Variants in OR4K2 observed in about 807,000 individuals in gnomAD.
OR4K2 encodes the protein olfactory receptor family 4 subfamily K member 2.
In OR4K2, 8 loss-of-function variants were observed where a neutral mutation model predicts 10.5. The observed-to-expected ratio is 0.76, with a 90% CI of 0.45 to 1.37. OR4K2 has a LOEUF of 1.37. Among genes scored for constraint, OR4K2 ranks in the 40% most tolerant of loss-of-function variants. The probability of loss-of-function intolerance (pLI) is 0.00; values close to 1 mark genes in which losing one functional copy is unlikely to be tolerated. For missense variants in OR4K2, 547 were observed against 379.5 expected, an observed-to-expected ratio of 1.44 and a Z score of -3.67; for synonymous variants, 178 against 133.6, an observed-to-expected ratio of 1.33 and a Z score of -2.29.
rs111897676 is a variant in OR4K2 at position 19,876,988 on chromosome 14, A to G, written c.721A>G (p.Thr241Ala). 3 of 1,614,012 alleles carry G rather than the reference A, an allele frequency of 1.9e-6. No individual in the cohort carries two copies. Among genetic ancestry groups the G allele is most frequent in the Non-Finnish European group, 8.5e-7 (1 of 1,179,974 alleles). ...RGSSKALSTC[T>A]AHFIVVFLFF... Reference sequence around the variant, plus strand: ...ATCATCTAAGGCCCTTTCTACTTGTACAGCTCATTTCATTGTTGTCTTCTT... The same window carrying G: ...ATCATCTAAGGCCCTTTCTACTTGTGCAGCTCATTTCATTGTTGTCTTCTT... Residue 241 changes from threonine (T) to alanine (A), a missense_variant, in exon 2 of 2, where the codon ACA becomes GCA. Thr to Ala is a moderately conservative substitution (Grantham distance 58, BLOSUM62 0). Transcript: ENST00000641885.
In OR4K2 at chr14:19,876,842, C is replaced by T. The variant is rs1386035035; in HGVS notation, c.575C>T (p.Thr192Ile). 1.2e-6 allele frequency: 2 copies of T among 1,614,074 alleles called. No homozygotes were observed. Among genetic ancestry groups the T allele is most frequent in the Non-Finnish European group, 8.5e-7 (1 of 1,180,010 alleles). Residue 192 changes from threonine to isoleucine, a missense_variant, in exon 2 of 2, where the codon ACT becomes ATT. Transcript: ENST00000641885. The stretch of plus-strand genomic sequence containing the variant: ...GTGTTCCAGTTGGCTTGTGTGGATA[C>T]TTATGTTCTGGGCCTCTTTATGATC... ...PVVFQLACVD[T>I]YVLGLFMIST... is the part of the protein sequence containing the mutation.
Position 19,880,917 on chromosome 14 carries a change from A to G in OR4K2, c.*3705A>G, listed in dbSNP as rs1278426488. 2.0e-5 allele frequency: 3 copies of G among 152,262 alleles called. No homozygotes were observed. Among genetic ancestry groups the G allele is most frequent in the Non-Finnish European group, 4.4e-5 (3 of 68,046 alleles). 9.4% of individuals were successfully genotyped at this position (152,262 alleles called of 1,614,324 possible). A position where few individuals can be genotyped will look rare whatever the true frequency, so the allele number is the denominator to read the frequency against. ...TGTCTTATGTGAAGTATTTTTCTGCATTGATAAGGGTTTAGGATAATGTGA... is the reference window on the plus strand; with the variant it reads ...TGTCTTATGTGAAGTATTTTTCTGCGTTGATAAGGGTTTAGGATAATGTGA... On this transcript the variant is annotated 3_prime_UTR_variant, in exon 2 of 2. Coordinates refer to ENST00000641885, the MANE Select transcript of OR4K2 (RefSeq NM_001005501.2).
chr14:19,880,852 G>T lies in OR4K2; in HGVS notation c.*3640G>T. ...ATTAAGGTGAAGAGATAGGCAGATG[G>T]ATAGATTAGTAGATAGATGAAGTTT... On this transcript the variant is annotated 3_prime_UTR_variant, in exon 2 of 2. Transcript: ENST00000641885. 1 of 152,230 alleles carries T rather than the reference G, an allele frequency of 6.6e-6. No individual in the cohort carries two copies. Among genetic ancestry groups the T allele is most frequent in the East Asian group, 1.9e-4 (1 of 5,200 alleles). 9.4% of individuals were successfully genotyped at this position (152,230 alleles called of 1,614,324 possible).
chr14:19,876,509 T>C lies in OR4K2; in HGVS notation c.242T>C (p.Met81Thr). 2 of 1,614,210 alleles carry C rather than the reference T, an allele frequency of 1.2e-6. No individual in the cohort carries two copies. Among genetic ancestry groups the C allele is most frequent in the Non-Finnish European group, 1.7e-6 (2 of 1,179,998 alleles). The part of the protein sequence containing the change: ...MSLASFATPK[M>T]ITDYLTGHKT... The stretch of plus-strand genomic sequence containing the variant: ...CTTGCTTCTTTCGCCACCCCAAAGA[T>C]GATTACAGATTACCTAACAGGTCAC... Residue 81 changes from methionine (M) to threonine (T), a missense_variant, in exon 2 of 2, where the codon ATG (methionine) becomes ACG (threonine). Physicochemically the swap from Met to Thr is moderately conservative, Grantham distance 81. Coordinates refer to ENST00000641885, the MANE Select transcript of OR4K2 (RefSeq NM_001005501.2).
In OR4K2 at chr14:19,883,447, T is replaced by C. The variant is rs1187624579; in HGVS notation, c.*6235T>C. 3.3e-5 allele frequency: 5 copies of C among 152,392 alleles called. No homozygotes were observed. Among genetic ancestry groups the C allele is most frequent in the South Asian group, 2.1e-4 (1 of 4,828 alleles). The allele number at this position is 152,392 out of a possible 1,614,324, so 9.4% of individuals were successfully genotyped here. On this transcript the variant is annotated 3_prime_UTR_variant, in exon 2 of 2. Transcript: ENST00000641885. ...TTCATTGGCTATTCCTTTATTTTCTTGATTATCTTAAATTGAAATAATGAC... is the reference window on the plus strand; with the variant it reads ...TTCATTGGCTATTCCTTTATTTTCTCGATTATCTTAAATTGAAATAATGAC...
rs1356459123 is a variant in OR4K2 at position 19,878,636 on chromosome 14, A to T, written c.*1424A>T. Reference sequence around the variant, plus strand: ...TTAATGTACTAAGCAAATAAGGAAAAAACTTACAGCTTGAAAGTCTGTGAT... The same window carrying T: ...TTAATGTACTAAGCAAATAAGGAAATAACTTACAGCTTGAAAGTCTGTGAT... On this transcript the variant is annotated 3_prime_UTR_variant, in exon 2 of 2. Transcript: ENST00000641885. 1.3e-5 allele frequency: 2 copies of T among 152,360 alleles called. No individual in the cohort carries two copies. Among genetic ancestry groups the T allele is most frequent in the Admixed American group, 6.5e-5 (1 of 15,308 alleles). The allele number at this position is 152,360 out of a possible 1,614,324, so 9.4% of individuals were successfully genotyped here.
In OR4K2 at chr14:19,883,013, G is replaced by C. The variant is rs1429624290; in HGVS notation, c.*5801G>C. On this transcript the variant is annotated 3_prime_UTR_variant, in exon 2 of 2. Transcript: ENST00000641885. ...CAGCTAATTTTTTGTATTTTTAGTA[G>C]AGAAGGGGTTATAATTTATCTTTTG... The C allele has an allele frequency of 6.6e-6, 1 of 152,460 alleles. No homozygotes were observed. The highest frequency in any genetic ancestry group is 2.4e-5 in the African/African-American group (1 of 41,404). 9.4% of individuals were successfully genotyped at this position (152,460 alleles called of 1,614,324 possible).
Position 19,876,533 on chromosome 14 carries a change from A to G in OR4K2, c.266A>G (p.His89Arg). 1 of 1,614,204 alleles carries G rather than the reference A, an allele frequency of 6.2e-7. No homozygotes were observed. Among genetic ancestry groups the G allele is most frequent in the African/African-American group, 1.3e-5 (1 of 75,056 alleles). ...PKMITDYLTGHKTISFDGCLT... is the reference protein window; with the variant it reads ...PKMITDYLTGRKTISFDGCLT... ...ATGATTACAGATTACCTAACAGGTC[A>G]CAAAACCATCTCTTTTGATGGCTGC... The change falls in exon 2 of 2, where the codon CAC (histidine) becomes CGC (arginine). Residue 89 changes from histidine (H) to arginine (R), a missense_variant. His to Arg is a conservative substitution (Grantham distance 29). Transcript: ENST00000641885.
rs1298642407 is a variant in OR4K2, at chr14:19,875,175, A to G, written c.-983A>G. 6.6e-6 allele frequency: 1 copy of G among 152,278 alleles called. No individual in the cohort carries two copies. The allele number at this position is 152,278 out of a possible 1,614,324, so 9.4% of individuals were successfully genotyped here. On this transcript the variant is annotated 5_prime_UTR_variant, in exon 1 of 2. It adds an upstream start codon to the 5' untranslated region. Coordinates refer to ENST00000641885, the MANE Select transcript of OR4K2 (RefSeq NM_001005501.2). ...AACATCCATTTTATCCACAGCTGAT[A>G]CACAACTAATGATTCAACTAGGTCA...
chr14:19,875,867 AT>A lies in OR4K2; in HGVS notation c.-290del. The A allele has an allele frequency of 5.6e-6, 1 of 179,250 alleles. No homozygotes were observed. The highest frequency in any genetic ancestry group is 1.5e-4 in the South Asian group (1 of 6,856). The allele number at this position is 179,250 out of a possible 1,614,324, so 11.1% of individuals were successfully genotyped here. ...ATGGACAAATTCCAAATGACTAAAC[AT>A]GTATGTGTATGTGTGTTTCACACAT... On this transcript the variant is annotated 5_prime_UTR_variant, in exon 1 of 2. It removes an upstream start codon present in the reference 5' UTR. Transcript: ENST00000641885.
rs1432598752 is a variant in OR4K2 at position 19,881,926 on chromosome 14, T to C, written c.*4714T>C. 2.0e-5 allele frequency: 3 copies of C among 152,196 alleles called. No homozygotes were observed. Among genetic ancestry groups the C allele is most frequent in the Admixed American group, 1.3e-4 (2 of 15,280 alleles). 9.4% of individuals were successfully genotyped at this position (152,196 alleles called of 1,614,324 possible). A position where few individuals can be genotyped will look rare whatever the true frequency, so the allele number is the denominator to read the frequency against. The stretch of plus-strand genomic sequence containing the variant: ...TCTTCTTGTTTGAGTGTACTTATAT[T>C]GGTTGTCCTACAGTTAAGAAAACGG... On this transcript the variant is annotated 3_prime_UTR_variant, in exon 2 of 2. Transcript: ENST00000641885.
In OR4K2 at chr14:19,880,155, C is replaced by T. The variant is rs1056105273; in HGVS notation, c.*2943C>T. 6.5e-6 allele frequency: 1 copy of T among 153,102 alleles called. No homozygotes were observed. The highest frequency in any genetic ancestry group is 3.4e-3 in the Middle Eastern group (1 of 298). 9.5% of individuals were successfully genotyped at this position (153,102 alleles called of 1,614,324 possible). On this transcript the variant is annotated 3_prime_UTR_variant, in exon 2 of 2. Coordinates refer to ENST00000641885, the MANE Select transcript of OR4K2 (RefSeq NM_001005501.2). ...TTCTTCCAATGTGGCCCAGAGAAGC[C>T]AAAACTTTGGACACCCCTGCATTAA...
At position 19,876,591 on chromosome 14, in the gene OR4K2, T is replaced by C. The variant is rs1436207542; in HGVS notation, c.324T>C (p.Thr108=). 4 of 1,614,222 alleles carry C rather than the reference T, an allele frequency of 2.5e-6. No homozygotes were observed. The highest frequency in any genetic ancestry group is 2.2e-5 in the East Asian group (1 of 44,894). Residue 108 remains threonine (T), a synonymous_variant, in exon 2 of 2, where the codon ACT becomes ACC. Coordinates refer to ENST00000641885, the MANE Select transcript of OR4K2 (RefSeq NM_001005501.2). ...LTQIFFLHLF[T]GTEIILLMAM... is the part of the protein sequence containing the mutation. The stretch of plus-strand genomic sequence containing the variant: ...AGATATTCTTTCTCCACCTTTTCAC[T>C]GGAACTGAGATCATCTTACTCATGG...
rs1294155071 is a variant in OR4K2 at position 19,877,169 on chromosome 14, T to A, written c.902T>A (p.Leu301Gln). ...NQEVKIAMRK[L>Q]KNRFLNFNKA... is the part of the protein sequence containing the mutation. ...GAAGTAAAGATAGCCATGAGGAAAC[T>A]GAAAAATAGGTTTCTAAATTTTAAT... is the stretch of plus-strand genomic sequence containing the variant. Residue 301 changes from leucine to glutamine, a missense_variant, in exon 2 of 2, where the codon CTG becomes CAG. Coordinates refer to ENST00000641885, the MANE Select transcript of OR4K2 (RefSeq NM_001005501.2). 6.3e-7 allele frequency: 1 copy of A among 1,597,358 alleles called. No individual in the cohort carries two copies. Among genetic ancestry groups the A allele is most frequent in the Non-Finnish European group, 8.5e-7 (1 of 1,178,472 alleles).
rs267603912 is a variant in OR4K2 at position 19,876,475 on chromosome 14, G to C, written c.208G>C (p.Asp70His). The C allele has an allele frequency of 6.2e-7, 1 of 1,614,070 alleles. No individual in the cohort carries two copies. Among genetic ancestry groups the C allele is most frequent in the Non-Finnish European group, 8.5e-7 (1 of 1,179,966 alleles). ...CCTGCTTACCAATCTTTCAATCATTGATATGTCTCTTGCTTCTTTCGCCAC... is the reference window on the plus strand; with the variant it reads ...CCTGCTTACCAATCTTTCAATCATTCATATGTCTCTTGCTTCTTTCGCCAC... Reference protein sequence around the residue: ...YFLLTNLSIIDMSLASFATPK... With the variant: ...YFLLTNLSIIHMSLASFATPK... The change falls in exon 2 of 2, where the codon GAT (aspartate) becomes CAT (histidine). Residue 70 changes from aspartate to histidine, a missense_variant. Asp to His is a moderately conservative substitution (Grantham distance 81). Transcript: ENST00000641885.
chr14:19,877,070 A>G lies in OR4K2; in HGVS notation c.803A>G (p.Asp268Gly). 3.1e-6 allele frequency: 5 copies of G among 1,612,026 alleles called. No homozygotes were observed. Among genetic ancestry groups the G allele is most frequent in the Non-Finnish European group, 4.2e-6 (5 of 1,179,930 alleles). ...TGGCCACTAAGCAGCTTTCTCACAGACAAGATTCTGTCTGTGTTTTATACC... is the reference window on the plus strand; with the variant it reads ...TGGCCACTAAGCAGCTTTCTCACAGGCAAGATTCTGTCTGTGTTTTATACC... ...YMWPLSSFLTDKILSVFYTIF... is the reference protein window; with the variant it reads ...YMWPLSSFLTGKILSVFYTIF... The change falls in exon 2 of 2, where the codon GAC becomes GGC. Residue 268 changes from aspartate to glycine, a missense_variant. Asp to Gly is a moderately conservative substitution (Grantham distance 94). Transcript: ENST00000641885.
In OR4K2 at chr14:19,875,884, T is replaced by A. The variant is rs980047701; in HGVS notation, c.-274T>A. On this transcript the variant is annotated 5_prime_UTR_variant, in exon 1 of 2. It introduces an in-frame stop codon into an upstream open reading frame of the 5' UTR. Transcript: ENST00000641885. The stretch of plus-strand genomic sequence containing the variant: ...GACTAAACATGTATGTGTATGTGTG[T>A]TTCACACATTGTCAGCATAAAGTAA... 4.4e-5 allele frequency: 9 copies of A among 202,414 alleles called. No individual in the cohort carries two copies. Among genetic ancestry groups the A allele is most frequent in the Admixed American group, 3.9e-4 (7 of 18,116 alleles). 12.5% of individuals were successfully genotyped at this position (202,414 alleles called of 1,614,324 possible).
At position 19,879,864 on chromosome 14, in the gene OR4K2, C is replaced by A. The variant is rs1406874976; in HGVS notation, c.*2652C>A. 6.6e-6 allele frequency: 1 copy of A among 152,216 alleles called. No individual in the cohort carries two copies. The highest frequency in any genetic ancestry group is 1.5e-5 in the Non-Finnish European group (1 of 68,074). 9.4% of individuals were successfully genotyped at this position (152,216 alleles called of 1,614,324 possible). ...CCTTTGCATGGATTTCCTCGAAGGC[C>A]CTAGAATGGAAACTAACAACCTTTT... is the stretch of plus-strand genomic sequence containing the variant. On this transcript the variant is annotated 3_prime_UTR_variant, in exon 2 of 2. Transcript: ENST00000641885.
rs35601631 is a variant in OR4K2 at position 19,876,214 on chromosome 14, C to CTTT, written c.-23-13_-23-11dup. ...TTTGCTTCTATTGAATCTGACTTTC[C>CTTT]TTTTTTTTTTTTTTTTTTTTCGTGA... On this transcript the variant is annotated intron_variant, in intron 1 of 1. Transcript: ENST00000641885. 651 of 641,652 alleles carry CTTT rather than the reference C, an allele frequency of 1.0e-3. 9 individuals carry two copies. The highest frequency in any genetic ancestry group is 1.2e-3 in the Non-Finnish European group (467 of 402,182). The allele number at this position is 641,652 out of a possible 1,614,324, so 39.7% of individuals were successfully genotyped here. A position where few individuals can be genotyped will look rare whatever the true frequency, so the allele number is the denominator to read the frequency against.
Sources: gnomAD v4.1 joint callset for allele counts on GRCh38, gnomAD v4.1.1 for gene constraint, MANE v1.5 for transcripts, NCBI Gene and HGNC (gene_info 2026-07-23, HGNC 2026-07-21) for gene names.